Variants in RARB observed in about 807,000 individuals in gnomAD.
The protein encoded by RARB is retinoic acid receptor beta.
A neutral mutation model predicts 51.9 loss-of-function variants in RARB; 17 were observed. The observed-to-expected ratio is 0.33, with a 90% CI of 0.22 to 0.49. The LOEUF (loss-of-function observed/expected upper bound fraction) is 0.49. Among genes scored for constraint, RARB ranks in the 20% least tolerant of loss-of-function variants. The pLI is 0.99. For missense variants in RARB, 369 were observed against 550.8 expected, an observed-to-expected ratio of 0.67 and a Z score of 3.30; for synonymous variants, 215 against 195.4, an observed-to-expected ratio of 1.10 and a Z score of -0.84.
chr3:24,926,669 TGAG>T (rs1259431068), intron 2 of RARB, among the ~76,000 whole-genome samples: 2 of 151,962 alleles, frequency 1.3e-5, no homozygotes, highest in Admixed American at 6.6e-5. Context: ...GTAGTAAGAA[TGAG>T]GAGTTTGATT....
intron 2 of RARB, among the ~76,000 whole-genome samples, chr3:24,910,090 T>G (rs1694959009): frequency 6.6e-6 from 1 of 152,182 alleles, no homozygotes; most frequent in South Asian, 2.1e-4. Flanking sequence ...TCTGAATCTT[T>G]CTATCCCCAT....
intron 5 of RARB, among the ~76,000 whole-genome samples, chr3:25,395,765 G>A (rs1384219114): frequency 6.6e-6 from 1 of 150,914 alleles, no homozygotes; most frequent in African/African-American, 2.4e-5. Context: ...TCCATATCTT[G>A]TATTATTTTT....
chr3:24,990,569 C>G lies in RARB; in HGVS notation c.-379-69556C>G, dbSNP rs1374638679. ...ATCTGATTTGTTCTTTTTTGCATTT[C>G]TCTCATAAGCCAAGCTTAAATGAAT... On this transcript the variant is annotated intron_variant, in intron 2 of 11. Coordinates refer to the RARB transcript ENST00000383772. 4.7e-5 allele frequency among the ~76,000 whole-genome samples: 5 copies of G among 107,110 alleles called. 2 individuals are homozygous for G. Among genetic ancestry groups the G allele is most frequent in the African/African-American group, 7.3e-5 (2 of 27,416 alleles). 70.3% of individuals were successfully genotyped at this position (107,110 alleles called of 152,430 possible). A position where few individuals can be genotyped will look rare whatever the true frequency, so the allele number is the denominator to read the frequency against.
chr3:24,843,336 A>G (rs1362648135), intron 1 of RARB, among the ~76,000 whole-genome samples: 1 of 152,204 alleles, frequency 6.6e-6, no homozygotes. Flanking sequence ...TTAATTTTAA[A>G]AGACAGGGAG....
intron 3 of RARB, among the ~76,000 whole-genome samples, chr3:25,550,831 C>T (rs1342881688): frequency 6.6e-6 from 1 of 152,118 alleles, no homozygotes; most frequent in Non-Finnish European, 1.5e-5. Flanking sequence ...TAAGTGAGGA[C>T]ATGTGGTGTT....
At chr3:25,166,287 A>T (rs1700559384) in intron 4 of RARB, among the ~76,000 whole-genome samples, 1 of 152,142 alleles carries the variant, frequency 6.6e-6, no homozygotes, top group African/African-American at 2.4e-5. Flanking sequence ...TGCAAAACTG[A>T]CTTCTTTACA....
intron 5 of RARB, among the ~76,000 whole-genome samples, chr3:25,404,505 A>C (rs76025702): frequency 6.6e-6 from 1 of 152,180 alleles, no homozygotes; most frequent in Admixed American, 6.5e-5. Flanking sequence ...GATTCTAGGG[A>C]ATAAATAATT....
chr3:25,205,640 A>G (rs1435953657), intron 5 of RARB, among the ~76,000 whole-genome samples: 1 of 152,188 alleles, frequency 6.6e-6, no homozygotes, highest in Non-Finnish European at 1.5e-5. Flanking sequence ...CCCTGATGTA[A>G]TTATTATGCA....
At chr3:25,186,363 A>G (rs919568613) in intron 5 of RARB, among the ~76,000 whole-genome samples, 23 of 152,140 alleles carry the variant, frequency 1.5e-4, no homozygotes, top group African/African-American at 5.1e-4. Context: ...CTACACTGGT[A>G]TAATTGTTTT....
intron 2 of RARB, among the ~76,000 whole-genome samples, chr3:24,948,062 A>G (rs1236249312): frequency 6.6e-6 from 1 of 152,156 alleles, no homozygotes; most frequent in East Asian, 1.9e-4. Context: ...TGATAATCAC[A>G]TGAGCCTTTT....
chr3:25,586,429 T>C (rs191307760), intron 5 of RARB, among the ~76,000 whole-genome samples: 41 of 152,180 alleles, frequency 2.7e-4, no homozygotes, highest in Admixed American at 2.3e-3. Context: ...AAAGGGGGAT[T>C]TAGTGAATAT....
At chr3:24,867,132 A>T (rs1282581574) in intron 2 of RARB, among the ~76,000 whole-genome samples, 3 of 152,044 alleles carry the variant, frequency 2.0e-5, no homozygotes, top group Non-Finnish European at 4.4e-5. Flanking sequence ...TGACCTCTGG[A>T]ATTATGGCTG....
At chr3:25,086,857 A>C (rs1037230079) in intron 3 of RARB, among the ~76,000 whole-genome samples, 21 of 152,208 alleles carry the variant, frequency 1.4e-4, no homozygotes, top group Admixed American at 1.4e-3. Context: ...TATGCAGATA[A>C]AGCCTCCGCA....
At chr3:24,914,398 C>T (rs1695063878) in intron 2 of RARB, among the ~76,000 whole-genome samples, 1 of 151,992 alleles carries the variant, frequency 6.6e-6, no homozygotes, top group African/African-American at 2.4e-5. Context: ...ACAGGTATGC[C>T]CTCTCAGATA....
chr3:25,318,148 T>G (rs1396686219), intron 5 of RARB, among the ~76,000 whole-genome samples: 1 of 152,224 alleles, frequency 6.6e-6, no homozygotes, highest in African/African-American at 2.4e-5. Flanking sequence ...GAGGAAGGTC[T>G]GCCATTTCTT....
intron 2 of RARB, among the ~76,000 whole-genome samples, chr3:24,904,995 A>G (rs543244835): frequency 2.0e-5 from 3 of 152,256 alleles, no homozygotes; most frequent in African/African-American, 7.2e-5. Context: ...GGGGAACATC[A>G]CACAAGGGGA....
At chr3:25,263,286 C>A (rs1275285215) in intron 5 of RARB, among the ~76,000 whole-genome samples, 1 of 152,134 alleles carries the variant, frequency 6.6e-6, no homozygotes, top group Non-Finnish European at 1.5e-5. Context: ...TTAGTCTTTA[C>A]AACAGTCTTC....
At chr3:25,519,723 TA>T (rs563688366) in intron 3 of RARB, among the ~76,000 whole-genome samples, 40 of 152,040 alleles carry the variant, frequency 2.6e-4, no homozygotes, top group African/African-American at 9.2e-4. Flanking sequence ...TTTGTGTGAT[TA>T]AAAAAAAGAA....
At chr3:25,564,665 C>T (rs1180802380) in intron 3 of RARB, among the ~76,000 whole-genome samples, 1 of 152,166 alleles carries the variant, frequency 6.6e-6, no homozygotes, top group Non-Finnish European at 1.5e-5. Context: ...TGGGTCGGAT[C>T]TTGTATTAAG....
Sources: allele counts gnomAD v4.1 joint callset (sites outside exome capture counted in the v4.1 genomes callset), GRCh38; gene constraint gnomAD v4.1.1; transcripts MANE v1.5; gene names NCBI Gene and HGNC (gene_info 2026-07-23, HGNC 2026-07-21).